Variants in ACBD3 observed in about 807,000 individuals in gnomAD.
ACBD3 encodes the protein acyl-CoA binding domain containing 3, also known as Golgi resident protein GCP60.
ACBD3 carries 30 observed loss-of-function variants against 66.9 expected under a neutral mutation model. That is an observed-to-expected ratio of 0.45 (90% CI 0.34 to 0.61). The LOEUF is 0.61. ACBD3 is among the 20% of genes least tolerant of loss of function. The pLI is 0.02. For missense variants in ACBD3, 544 were observed against 664.5 expected (o/e 0.82, Z 1.99); for synonymous variants, 278 against 259.8 (o/e 1.07, Z -0.68).
chr1:226,181,791 A>G (rs1422609090), intron 1 of ACBD3, among the ~76,000 whole-genome samples: 2 of 152,210 alleles, frequency 1.3e-5, no homozygotes, highest in Non-Finnish European at 2.9e-5. Context: ...AGTCCACCCC[A>G]AAGAACTCTA....
intron 5 of ACBD3, among the ~76,000 whole-genome samples, chr1:226,158,058 T>C (rs941679350): frequency 3.9e-5 from 6 of 152,202 alleles, no homozygotes; most frequent in African/African-American, 1.4e-4. Flanking sequence ...ATACCACTTA[T>C]TATCTTGAAT....
chr1:226,179,813 G>A (rs1329934929), intron 1 of ACBD3, among the ~76,000 whole-genome samples: 2 of 151,734 alleles, frequency 1.3e-5, no homozygotes, highest in Non-Finnish European at 2.9e-5. Flanking sequence ...AGCTGAGATC[G>A]CACCACTGCA....
intron 1 of ACBD3, among the ~76,000 whole-genome samples, chr1:226,173,361 A>T (rs1655900937): frequency 6.6e-6 from 1 of 152,178 alleles, no homozygotes; most frequent in African/African-American, 2.4e-5. Flanking sequence ...TTCATTTTTT[A>T]TTTCCCCAAA....
Position 226,152,555 on chromosome 1 carries a change from C to T in ACBD3, c.1155G>A (p.Glu385=), listed in dbSNP as rs1310695108. 6.2e-7 allele frequency: 1 copy of T among 1,614,222 alleles called. No homozygotes were observed. Among genetic ancestry groups the T allele is most frequent in the Admixed American group, 1.7e-5 (1 of 60,022 alleles). ...CGGAATCTGCATCCTGCTGAATCTT[C>T]TCTTTGAAGTCTTTGATCTGAGGTC... The part of the protein sequence containing the change: ...WTRPQIKDFK[E]KIQQDADSVI... Residue 385 remains glutamate, a synonymous_variant, in exon 7 of 8, where the codon GAG becomes GAA. Transcript: ENST00000366812.
At chr1:226,147,993 A>G (rs1362668301) in intron 7 of ACBD3, 3 of 152,164 alleles carry the variant, frequency 2.0e-5, no homozygotes, top group African/African-American at 7.2e-5. Context: ...TTTCAGGTTT[A>G]TAACATGGCA....
At chr1:226,164,127 A>C (rs1002805320) in intron 3 of ACBD3, among the ~76,000 whole-genome samples, 1 of 150,812 alleles carries the variant, frequency 6.6e-6, no homozygotes, top group African/African-American at 2.4e-5. Flanking sequence ...AAAAAAAAAA[A>C]AAAAAAAAAA....
rs1044665158 is a variant in ACBD3 at position 226,155,315 on chromosome 1, G to A, written c.904-482C>T. On this transcript the variant is annotated intron_variant, in intron 5 of 7. Coordinates refer to ENST00000366812, the MANE Select transcript of ACBD3 (RefSeq NM_022735.4). ...GCCTGTAATCCCAGCTACTTGGGAG[G>A]CTGAGGCAGGAGAATCGCTTGAACT... 2.6e-5 allele frequency among the ~76,000 whole-genome samples: 4 copies of A among 152,066 alleles called. No individual in the cohort carries two copies. In the South Asian group the frequency reaches 6.2e-4, roughly 24 times the overall value.
At chr1:226,178,373 A>G (rs1656095415) in intron 1 of ACBD3, among the ~76,000 whole-genome samples, 2 of 151,874 alleles carry the variant, frequency 1.3e-5, no homozygotes, top group Non-Finnish European at 2.9e-5. Context: ...GTTCGAGACC[A>G]TCCTGGCTAA....
rs538495838 is a variant in ACBD3 at position 226,179,759 on chromosome 1, G to A, written c.286+6631C>T. Among the ~76,000 whole-genome samples, 21 of 152,238 alleles carry A rather than the reference G, an allele frequency of 1.4e-4. No homozygotes were observed. In the East Asian group the frequency reaches 3.9e-3, roughly 28 times the overall value. On this transcript the variant is annotated intron_variant, in intron 1 of 7. Transcript: ENST00000366812. ...TGTAATCCCAGCTACTTGGGAGGCT[G>A]AGGCAGGAGAATCGCTTGAACCCAG...
In ACBD3 at chr1:226,186,724, G is replaced by T. The variant is rs926891491; in HGVS notation, c.-49C>A. On this transcript the variant is annotated 5_prime_UTR_variant, in exon 1 of 8. Coordinates refer to ENST00000366812, the MANE Select transcript of ACBD3 (RefSeq NM_022735.4). ...CGGGGACAGACGGCAGCCACGTATC[G>T]ACTTCCTGCTGACCTCTGACCTCCG... The T allele has an allele frequency of 2.1e-6, 3 of 1,430,814 alleles. No homozygotes were observed. Among genetic ancestry groups the T allele is most frequent in the African/African-American group, 3.0e-5 (2 of 67,482 alleles). 88.6% of individuals were successfully genotyped at this position (1,430,814 alleles called of 1,614,324 possible). A position where few individuals can be genotyped will look rare whatever the true frequency, so the allele number is the denominator to read the frequency against.
intron 5 of ACBD3, chr1:226,155,144 A>G (rs932426454): frequency 1.1e-5 from 2 of 179,666 alleles, no homozygotes; most frequent in Non-Finnish European, 2.3e-5. Context: ...AAGGCCAGCC[A>G]AAGTGGCTCA....
chr1:226,162,206 C>G (rs570211190), intron 3 of ACBD3, among the ~76,000 whole-genome samples: 2 of 151,524 alleles, frequency 1.3e-5, no homozygotes, highest in East Asian at 3.9e-4. Flanking sequence ...TGAAATATCG[C>G]AGAGCCAAAG....
intron 1 of ACBD3, among the ~76,000 whole-genome samples, chr1:226,169,631 C>T (rs558863724): frequency 2.2e-5 from 3 of 135,670 alleles, no homozygotes; most frequent in Non-Finnish European, 4.6e-5. Context: ...AGGATGGTCT[C>T]GATCTCCTGA....
chr1:226,156,483 G>A (rs898998423), intron 5 of ACBD3, among the ~76,000 whole-genome samples: 8 of 151,966 alleles, frequency 5.3e-5, no homozygotes, highest in African/African-American at 7.2e-5. Flanking sequence ...AAGCAAGTAC[G>A]TATATGTTCA....
At chr1:226,174,589 A>C (rs1270545964) in intron 1 of ACBD3, among the ~76,000 whole-genome samples, 20 of 151,606 alleles carry the variant, frequency 1.3e-4, no homozygotes, top group Non-Finnish European at 1.2e-4. Context: ...ACATGGTGAA[A>C]CCCAGTCTCC....
chr1:226,147,726 A>T (rs917953867), intron 7 of ACBD3, among the ~76,000 whole-genome samples: 2 of 152,200 alleles, frequency 1.3e-5, no homozygotes, highest in African/African-American at 4.8e-5. Context: ...GTGGCAAAAA[A>T]TGGGCTCTGA....
At chr1:226,152,776 T>C (rs1659602853) in intron 6 of ACBD3, among the ~76,000 whole-genome samples, 157 bp from the exon 7 acceptor site, 1 of 152,218 alleles carries the variant, frequency 6.6e-6, no homozygotes, top group Non-Finnish European at 1.5e-5. Context: ...AGCCTCCCCA[T>C]GGGAGTCTCT....
chr1:226,180,330 C>T (rs973735798), intron 1 of ACBD3, among the ~76,000 whole-genome samples: 4 of 152,132 alleles, frequency 2.6e-5, no homozygotes, highest in Admixed American at 2.6e-4. Context: ...CTCAGAAGTA[C>T]CTCCTTTTCA....
At chr1:226,161,960 G>A (rs1659782874) in intron 3 of ACBD3, among the ~76,000 whole-genome samples, 1 of 152,170 alleles carries the variant, frequency 6.6e-6, no homozygotes, top group South Asian at 2.1e-4. Context: ...CCTATACCCT[G>A]AAGGATCCCC....
Sources: allele counts gnomAD v4.1 joint callset (sites outside exome capture counted in the v4.1 genomes callset), GRCh38; gene constraint gnomAD v4.1.1; transcripts MANE v1.5; gene names NCBI Gene and HGNC (gene_info 2026-07-23, HGNC 2026-07-21).